The following SPIDR variants were observed in gnomAD, a reference collection of about 807,000 sequenced individuals.
SPIDR encodes scaffold protein involved in DNA repair, also known as DNA repair-scaffolding protein.
SPIDR carries 93 observed loss-of-function variants against 104.6 expected under a neutral mutation model. The ratio of observed to expected loss-of-function variants is 0.89; its 90% CI spans 0.75 to 1.06. The LOEUF (loss-of-function observed/expected upper bound fraction) is 1.06. Among genes scored for constraint, SPIDR ranks in the 50% least tolerant of loss-of-function variants. The probability of loss-of-function intolerance (pLI) is 0.00; values close to 1 mark genes in which losing one functional copy is unlikely to be tolerated. For missense variants in SPIDR, 1,154 were observed against 1,111.2 expected (o/e 1.04, Z -0.55); for synonymous variants, 431 against 416.9 (o/e 1.03, Z -0.41).
At chr8:47,567,210 AC>A (rs1229132730) in intron 8 of SPIDR, among the ~76,000 whole-genome samples, 1 of 150,746 alleles carries the variant, frequency 6.6e-6, no homozygotes, top group African/African-American at 2.4e-5. Context: ...TGGAGGATAA[AC>A]TATATATATA....
intron 5 of SPIDR, among the ~76,000 whole-genome samples, chr8:47,340,951 A>G (rs2050639122): frequency 6.6e-6 from 1 of 152,162 alleles, no homozygotes; most frequent in African/African-American, 2.4e-5. Flanking sequence ...TATCTTTTAT[A>G]GTTAAACTAG....
intron 6 of SPIDR, among the ~76,000 whole-genome samples, chr8:47,405,318 G>GTGTGTT (rs2062592729): frequency 6.6e-6 from 1 of 151,484 alleles, no homozygotes; most frequent in African/African-American, 2.4e-5. Context: ...GTGTGTGTGT[G>GTGTGTT]TGTGTATATA....
At chr8:47,341,394 G>C (rs1331803467) in intron 5 of SPIDR, among the ~76,000 whole-genome samples, 1 of 152,124 alleles carries the variant, frequency 6.6e-6, no homozygotes, top group Non-Finnish European at 1.5e-5. Context: ...AATACCAGCA[G>C]GACTTTGGTT....
chr8:47,700,026 A>G (rs1275492548), intron 11 of SPIDR, among the ~76,000 whole-genome samples: 1 of 152,224 alleles, frequency 6.6e-6, no homozygotes. Flanking sequence ...AGATGCATGC[A>G]TAGATACACA....
chr8:47,700,412 G>C lies in SPIDR; in HGVS notation c.1695G>C (p.Gly565=), dbSNP rs371043686. The C allele has an allele frequency of 6.2e-7, 1 of 1,614,104 alleles. No homozygotes were observed. Among genetic ancestry groups the C allele is most frequent in the African/African-American group, 1.3e-5 (1 of 74,928 alleles). Residue 565 remains glycine (G), a synonymous_variant, in exon 12 of 20, where the codon GGG becomes GGC. Coordinates refer to ENST00000297423, the MANE Select transcript of SPIDR (RefSeq NM_001080394.4). ...LQKVTRGRTA[G]IFSLIDTLWP... is the part of the protein sequence containing the mutation. ...ACTTTTCTTGTTCCAGGACAGCGGG[G>C]ATTTTCAGTTTGATTGACACCCTGT...
At chr8:47,324,988 T>C (rs2047422392) in intron 5 of SPIDR, among the ~76,000 whole-genome samples, 1 of 152,084 alleles carries the variant, frequency 6.6e-6, no homozygotes, top group African/African-American at 2.4e-5. Flanking sequence ...TCCCCCTTCT[T>C]ATAAGGATGT....
At chr8:47,630,248 G>A (rs1420208486) in intron 10 of SPIDR, among the ~76,000 whole-genome samples, 1 of 152,136 alleles carries the variant, frequency 6.6e-6, no homozygotes, top group Non-Finnish European at 1.5e-5. Flanking sequence ...GAATACTGGG[G>A]AAAATAGAAG....
At chr8:47,426,561 T>G (rs150973269) in intron 7 of SPIDR, among the ~76,000 whole-genome samples, 1 of 152,350 alleles carries the variant, frequency 6.6e-6, no homozygotes, top group East Asian at 1.9e-4. Flanking sequence ...TTTTATTCTT[T>G]AGAAGGAAAC....
chr8:47,648,981 G>C (rs954676921), intron 10 of SPIDR, among the ~76,000 whole-genome samples: 2 of 152,182 alleles, frequency 1.3e-5, no homozygotes, highest in East Asian at 3.8e-4. Context: ...AGGAAAAAGA[G>C]TAACTTATAG....
At chr8:47,598,923 T>G in intron 9 of SPIDR, 23 bp from the exon 10 acceptor site, 1 of 1,612,386 alleles carries the variant, frequency 6.2e-7, no homozygotes, top group East Asian at 2.2e-5. Context: ...CTTGAAACTG[T>G]TCCCTTTATG....
Position 47,279,915 on chromosome 8 carries a change from G to A in SPIDR, c.87G>A (p.Leu29=). ...CATCCTTTCCAGGAGAAAGACCACT[G>A]CAGGTCAGAAGAGCAGGTCTCAGGA... ...ECPSFPGERP[L]QVRRAGLRTA... The change falls in exon 2 of 20, where the codon CTG becomes CTA. Residue 29 remains leucine (L), a synonymous_variant. Coordinates refer to ENST00000297423, the MANE Select transcript of SPIDR (RefSeq NM_001080394.4). 1.9e-6 allele frequency: 3 copies of A among 1,613,920 alleles called. No homozygotes were observed. Among genetic ancestry groups the A allele is most frequent in the Non-Finnish European group, 1.7e-6 (2 of 1,179,898 alleles).
intron 8 of SPIDR, among the ~76,000 whole-genome samples, chr8:47,494,069 G>T (rs1186540221): frequency 2.0e-5 from 3 of 151,524 alleles, no homozygotes; most frequent in African/African-American, 7.3e-5. Context: ...CCTCACTGCA[G>T]CCTCCAACTC....
chr8:47,289,651 C>T (rs1352643910), intron 3 of SPIDR, among the ~76,000 whole-genome samples: 4 of 152,158 alleles, frequency 2.6e-5, no homozygotes, highest in African/African-American at 9.7e-5. Context: ...ATCACCAGTA[C>T]ATTGCAGGTG....
intron 8 of SPIDR, 50 bp downstream of exon 8, chr8:47,440,592 G>T: frequency 6.5e-7 from 1 of 1,541,018 alleles, no homozygotes; most frequent in African/African-American, 1.4e-5. Context: ...AGTCAGCCTC[G>T]TAAGAAAAGA....
At chr8:47,583,599 A>G (rs1291217768) in intron 8 of SPIDR, among the ~76,000 whole-genome samples, 1 of 152,212 alleles carries the variant, frequency 6.6e-6, no homozygotes, top group Non-Finnish European at 1.5e-5. Context: ...AAAGAAATGG[A>G]AAGTTCATGC....
At chr8:47,714,422 C>G (rs1378273460) in intron 16 of SPIDR, among the ~76,000 whole-genome samples, 1 of 152,094 alleles carries the variant, frequency 6.6e-6, no homozygotes, top group African/African-American at 2.4e-5. Flanking sequence ...GGAGAGTTTG[C>G]GTGTTTTACA....
intron 7 of SPIDR, among the ~76,000 whole-genome samples, chr8:47,433,447 C>T (rs1046915482): frequency 6.7e-6 from 1 of 150,372 alleles, no homozygotes; most frequent in Non-Finnish European, 1.5e-5. Context: ...TGAACTGATT[C>T]GATCTTCTTT....
At chr8:47,366,267 C>T (rs539296440) in intron 5 of SPIDR, among the ~76,000 whole-genome samples, 7 of 152,032 alleles carry the variant, frequency 4.6e-5, no homozygotes, top group African/African-American at 1.2e-4. Context: ...CATTGGATGA[C>T]GGGGTTTGGA....
Position 47,602,398 on chromosome 8 carries a change from C to G in SPIDR, c.1544+3202C>G, listed in dbSNP as rs555972475. Among the ~76,000 whole-genome samples the G allele has an allele frequency of 2.6e-5, 4 of 152,284 alleles. No individual in the cohort carries two copies. The South Asian group carries it at 8.3e-4, about 32-fold the overall frequency. Reference sequence around the variant, plus strand: ...GAGCTCTTGTCATTATCTGCTCTACCCCAGAGATCTTTCAAACTATCCGTG... The same window carrying G: ...GAGCTCTTGTCATTATCTGCTCTACGCCAGAGATCTTTCAAACTATCCGTG... On this transcript the variant is annotated intron_variant, in intron 10 of 19. Transcript: ENST00000297423.
Sources: gnomAD v4.1 joint callset for allele counts (sites outside exome capture counted in the v4.1 genomes callset) on GRCh38, gnomAD v4.1.1 for gene constraint, MANE v1.5 for transcripts, NCBI Gene and HGNC (gene_info 2026-07-23, HGNC 2026-07-21) for gene names.